The following ST14 variants were observed in gnomAD, a reference collection of about 807,000 sequenced individuals.
The protein encoded by ST14 is suppressor of tumorigenicity 14 protein.
In ST14, 40 loss-of-function variants were observed where a neutral mutation model predicts 96.5. That is an observed-to-expected ratio of 0.41 (90% CI 0.32 to 0.54). ST14 has a LOEUF of 0.54. ST14 is among the 20% of genes least tolerant of loss of function. The pLI, the probability that ST14 is intolerant of heterozygous loss-of-function variation, is 0.17. For missense variants in ST14, 1,066 were observed against 1,188.9 expected, an observed-to-expected ratio of 0.90 and a Z score of 1.52; for synonymous variants, 506 against 492.1, an observed-to-expected ratio of 1.03 and a Z score of -0.37.
At position 130,209,539 on chromosome 11, in the gene ST14, G is replaced by A. The variant is rs1171770583; in HGVS notation, c.2367G>A (p.Met789Ile). The A allele has an allele frequency of 6.3e-6, 10 of 1,577,820 alleles. No homozygotes were observed. The highest frequency in any genetic ancestry group is 2.3e-5 in the East Asian group (1 of 43,062). Reference protein sequence around the residue: ...LLPQQITPRMMCVGFLSGGVD... With the variant: ...LLPQQITPRMICVGFLSGGVD... The stretch of plus-strand genomic sequence containing the variant: ...CGCAGCAGATCACGCCGCGCATGAT[G>A]TGCGTGGGCTTCCTCAGCGGCGGCG... Residue 789 changes from methionine (M) to isoleucine (I), a missense_variant, in exon 18 of 19, where the codon ATG becomes ATA. Coordinates refer to ENST00000278742, the MANE Select transcript of ST14 (RefSeq NM_021978.4).
chr11:130,208,400 T>C lies in ST14; in HGVS notation c.1995-10T>C. 1.9e-6 allele frequency: 3 copies of C among 1,613,956 alleles called. No homozygotes were observed. The highest frequency in any genetic ancestry group is 1.7e-6 in the Non-Finnish European group (2 of 1,180,016). On this transcript the variant is annotated splice_polypyrimidine_tract_variant and intron_variant, in intron 16 of 18. Transcript: ENST00000278742. Reference sequence around the variant, plus strand: ...TGACCGCGCAGTCTCATAGCGGCTCTCCCTACCAGGTACTCAGACCCCACG... The same window carrying C: ...TGACCGCGCAGTCTCATAGCGGCTCCCCCTACCAGGTACTCAGACCCCACG...
chr11:130,183,097 C>G lies in ST14; in HGVS notation c.82-5017C>G, dbSNP rs1446768444. 2.6e-5 allele frequency among the ~76,000 whole-genome samples: 4 copies of G among 151,934 alleles called. No individual in the cohort carries two copies. In the East Asian group the frequency reaches 7.7e-4, roughly 29 times the overall value. ...TCAGCCCCCCGAGTAGCTGGGATTACAGGCGTCCACGACCACGCCTGGCTA... is the reference window on the plus strand; with the variant it reads ...TCAGCCCCCCGAGTAGCTGGGATTAGAGGCGTCCACGACCACGCCTGGCTA... On this transcript the variant is annotated intron_variant, in intron 1 of 18. Transcript: ENST00000278742.
chr11:130,190,768 AT>A, intron 7 of ST14, 74 bp downstream of exon 7: 1 of 1,483,624 alleles, frequency 6.7e-7, no homozygotes, highest in Non-Finnish European at 9.0e-7. Context: ...TTCTTCAACG[AT>A]TGGGATACAG....
rs928913721 is a variant in ST14, at chr11:130,188,681, C to T, written c.369+24C>T. 1 of 1,613,996 alleles carries T rather than the reference C, an allele frequency of 6.2e-7. No individual in the cohort carries two copies. Among genetic ancestry groups the T allele is most frequent in the African/African-American group, 1.3e-5 (1 of 74,948 alleles). On this transcript the variant is annotated intron_variant, in intron 3 of 18. Coordinates refer to ENST00000278742, the MANE Select transcript of ST14 (RefSeq NM_021978.4). The surrounding 1 kb of genome is among the most constrained non-coding windows in gnomAD (Gnocchi z 5.4). ...CGGTGAGTGCAGCCTGCCCAGAGTC[C>T]TGCTGGGCTGTGTGCGCTGGTGTCC...
At chr11:130,160,947 CAG>C (rs1234304313) in intron 1 of ST14, among the ~76,000 whole-genome samples, 1 of 152,164 alleles carries the variant, frequency 6.6e-6, no homozygotes, top group Non-Finnish European at 1.5e-5. Flanking sequence ...GGCTGTGTGG[CAG>C]AGAGTTTTGC....
intron 4 of ST14, 53 bp from the exon 5 acceptor site, chr11:130,189,686 C>A (rs781577716): frequency 6.2e-7 from 1 of 1,600,288 alleles, no homozygotes; most frequent in Non-Finnish European, 8.5e-7. Flanking sequence ...TCTGGGCGCA[C>A]GTGGGGGAAA....
At chr11:130,166,513 A>G (rs955272297) in intron 1 of ST14, among the ~76,000 whole-genome samples, 1 of 152,174 alleles carries the variant, frequency 6.6e-6, no homozygotes, top group Non-Finnish European at 1.5e-5. Flanking sequence ...TTTCTTATTT[A>G]GTAACAGCTC....
intron 17 of ST14, 130 bp from the exon 18 acceptor site, chr11:130,209,312 T>C: frequency 1.6e-6 from 2 of 1,231,692 alleles, no homozygotes; most frequent in South Asian, 2.6e-5. Context: ...AGACGCGGAT[T>C]ACCCGTTTGT....
rs368969481 is a variant in ST14 at position 130,196,547 on chromosome 11, C to T, written c.1224-23C>T. On this transcript the variant is annotated intron_variant, in intron 10 of 18. Coordinates refer to ENST00000278742, the MANE Select transcript of ST14 (RefSeq NM_021978.4). ...CCGGCTCCCAGCTGTCCCTCCTCAC[C>T]TTGTGCCCCGCCCCCCCTCCAGATA... The T allele has an allele frequency of 2.3e-5, 34 of 1,509,430 alleles. No homozygotes were observed. In the African/African-American group the frequency reaches 4.5e-4, roughly 20 times the overall value. 93.5% of individuals were successfully genotyped at this position (1,509,430 alleles called of 1,614,324 possible).
chr11:130,184,110 C>G (rs1953217347), intron 1 of ST14, among the ~76,000 whole-genome samples: 1 of 152,074 alleles, frequency 6.6e-6, no homozygotes, highest in African/African-American at 2.4e-5. Context: ...TTCTTGGGGA[C>G]AGGAAATGGA....
Position 130,190,122 on chromosome 11 carries a change from C to G in ST14, c.608C>G (p.Ser203Cys), listed in dbSNP as rs200170803. 5.0e-6 allele frequency: 8 copies of G among 1,614,084 alleles called. No homozygotes were observed. Among genetic ancestry groups the G allele is most frequent in the Non-Finnish European group, 6.8e-6 (8 of 1,180,022 alleles). ...CCTTCTTATTCTTCAGCCACGGACT[C>G]CAAAACAGTACAGAGGACCCAGGAC... ...VTSVVAFPTD[S>C]KTVQRTQDNS... Residue 203 changes from serine (S) to cysteine (C), a missense_variant, in exon 6 of 19, where the codon TCC (serine) becomes TGC (cysteine). Ser to Cys is a moderately radical substitution (Grantham distance 112, BLOSUM62 -1). Coordinates refer to ENST00000278742, the MANE Select transcript of ST14 (RefSeq NM_021978.4).
chr11:130,162,304 G>A (rs1295911700), intron 1 of ST14, among the ~76,000 whole-genome samples: 1 of 152,186 alleles, frequency 6.6e-6, no homozygotes, highest in African/African-American at 2.4e-5. Context: ...TGTGAGCCCT[G>A]CCTGCAAGCA....
chr11:130,194,869 T>C (rs61913752), intron 9 of ST14, 132 bp downstream of exon 9: 42 of 461,180 alleles, frequency 9.1e-5, no homozygotes, highest in Non-Finnish European at 1.2e-4. Flanking sequence ...TGTGTGTGTG[T>C]GTGTGTGCGT....
In ST14 at chr11:130,208,578, A is replaced by G; in HGVS notation, c.2163A>G (p.Ala721=). The part of the protein sequence containing the change: ...DIALLELEKP[A]EYSSMVRPIC... ...CGCTGCTGGAGCTGGAGAAACCGGC[A>G]GAGTACAGCTCCATGGTGCGGCCCA... The change falls in exon 17 of 19, where the codon GCA becomes GCG. Residue 721 remains alanine, a synonymous_variant. Coordinates refer to ENST00000278742, the MANE Select transcript of ST14 (RefSeq NM_021978.4). 6.2e-7 allele frequency: 1 copy of G among 1,614,220 alleles called. No individual in the cohort carries two copies. The highest frequency in any genetic ancestry group is 2.2e-5 in the East Asian group (1 of 44,884).
At position 130,208,619 on chromosome 11, in the gene ST14, C is replaced by G; in HGVS notation, c.2204C>G (p.Ala735Gly). ...SMVRPICLPD[A>G]SHVFPAGKAI... ...GTGCGGCCCATCTGCCTGCCGGACG[C>G]CTCCCATGTCTTCCCTGCCGGCAAG... The change falls in exon 17 of 19, where the codon GCC (alanine) becomes GGC (glycine). Residue 735 changes from alanine to glycine, a missense_variant. Ala to Gly is a moderately conservative substitution (Grantham distance 60). Coordinates refer to ENST00000278742, the MANE Select transcript of ST14 (RefSeq NM_021978.4). 1 of 1,614,042 alleles carries G rather than the reference C, an allele frequency of 6.2e-7. No homozygotes were observed. Among genetic ancestry groups the G allele is most frequent in the Non-Finnish European group, 8.5e-7 (1 of 1,179,994 alleles).
chr11:130,203,716 G>T (rs544374260), intron 16 of ST14, among the ~76,000 whole-genome samples: 1 of 152,048 alleles, frequency 6.6e-6, no homozygotes, highest in African/African-American at 2.4e-5. Context: ...GCAATGGCGC[G>T]ATCTCAGCTC....
At chr11:130,202,711 G>T (rs573973863) in intron 16 of ST14, among the ~76,000 whole-genome samples, 2 of 152,332 alleles carry the variant, frequency 1.3e-5, no homozygotes, top group East Asian at 3.9e-4. Flanking sequence ...GCGGCATCAC[G>T]TTGCGGTTAA....
intron 1 of ST14, among the ~76,000 whole-genome samples, chr11:130,162,513 C>T (rs573944220): frequency 4.9e-4 from 74 of 152,304 alleles, no homozygotes; most frequent in East Asian, 9.6e-4. Flanking sequence ...TTGGAAAAAT[C>T]GGATGTTGTG....
rs558596933 is a variant in ST14, at chr11:130,207,868, C to T, written c.1995-542C>T. ...CGGGCGGATCACAAGGTCAGGAGATCGAGACCAGCCTGACCACCATGATGA... is the reference window on the plus strand; with the variant it reads ...CGGGCGGATCACAAGGTCAGGAGATTGAGACCAGCCTGACCACCATGATGA... On this transcript the variant is annotated intron_variant, in intron 16 of 18. Transcript: ENST00000278742. 5.3e-5 allele frequency among the ~76,000 whole-genome samples: 8 copies of T among 152,280 alleles called. No homozygotes were observed. The East Asian group carries it at 1.4e-3, about 26-fold the overall frequency.
Sources: gnomAD v4.1 joint callset for allele counts (sites outside exome capture counted in the v4.1 genomes callset) on GRCh38, gnomAD v4.1.1 for gene constraint, Gnocchi (gnomAD v3.1) non-coding constraint, MANE v1.5 for transcripts, NCBI Gene and HGNC (gene_info 2026-07-23, HGNC 2026-07-21) for gene names.